The following SLC14A2 variants were observed in gnomAD, a reference collection of about 807,000 sequenced individuals.
SLC14A2 encodes solute carrier family 14 member 2.
A neutral mutation model predicts 104.6 loss-of-function variants in SLC14A2; 91 were observed. The ratio of observed to expected loss-of-function variants is 0.87; its 90% CI spans 0.73 to 1.04. The LOEUF is 1.04. SLC14A2 is among the 50% of genes least tolerant of loss of function. SLC14A2 has a pLI of 0.00. For missense variants in SLC14A2, 1,189 were observed against 1,156.0 expected, an observed-to-expected ratio of 1.03 and a Z score of -0.41; for synonymous variants, 476 against 466.4, an observed-to-expected ratio of 1.02 and a Z score of -0.27.
chr18:45,494,212 G>A (rs1341466249), intron 2 of SLC14A2, among the ~76,000 whole-genome samples: 1 of 152,226 alleles, frequency 6.6e-6, no homozygotes, highest in Non-Finnish European at 1.5e-5. Context: ...TATCTGGACA[G>A]TTGAATTCTA....
At chr18:45,381,322 T>G (rs1469566487) in intron 1 of SLC14A2, among the ~76,000 whole-genome samples, 2 of 152,222 alleles carry the variant, frequency 1.3e-5, no homozygotes, top group African/African-American at 4.8e-5. Flanking sequence ...AATTAAAACA[T>G]CATGGGATAT....
chr18:45,220,658 T>C (rs2143991282), intron 1 of SLC14A2, among the ~76,000 whole-genome samples: 1 of 152,322 alleles, frequency 6.6e-6, no homozygotes, highest in African/African-American at 2.4e-5. Flanking sequence ...CATCCTGCAC[T>C]CGTGCCCTTT....
At chr18:45,590,122 G>T (rs1201636125) in intron 2 of SLC14A2, among the ~76,000 whole-genome samples, 1 of 152,202 alleles carries the variant, frequency 6.6e-6, no homozygotes, top group African/African-American at 2.4e-5. Context: ...GCCCCACCTT[G>T]TCTTCTAGCT....
intron 2 of SLC14A2, among the ~76,000 whole-genome samples, chr18:45,545,701 T>A (rs563258226): frequency 2.0e-4 from 31 of 152,174 alleles, no homozygotes; most frequent in African/African-American, 6.7e-4. Context: ...GAAAGCTGGG[T>A]TTTCATTGGT....
chr18:45,278,355 G>A (rs2144135662), intron 1 of SLC14A2, among the ~76,000 whole-genome samples: 1 of 152,296 alleles, frequency 6.6e-6, no homozygotes, highest in East Asian at 1.9e-4. Context: ...ATGATGTTCA[G>A]CAGAATGCTT....
intron 2 of SLC14A2, among the ~76,000 whole-genome samples, chr18:45,575,684 T>C (rs1015253268): frequency 6.6e-6 from 1 of 152,222 alleles, no homozygotes; most frequent in Non-Finnish European, 1.5e-5. Flanking sequence ...TTGAGAGAAC[T>C]GGGCTAATCA....
intron 1 of SLC14A2, among the ~76,000 whole-genome samples, chr18:45,449,615 C>T (rs1456088680): frequency 6.6e-6 from 1 of 152,156 alleles, no homozygotes; most frequent in Non-Finnish European, 1.5e-5. Context: ...TCCTAACTGC[C>T]TGCTTGCTTC....
intron 2 of SLC14A2, among the ~76,000 whole-genome samples, chr18:45,566,689 T>C (rs557681836): frequency 1.3e-5 from 2 of 152,332 alleles, no homozygotes; most frequent in African/African-American, 4.8e-5. Context: ...GGACTTTCAA[T>C]ACTTACAGCT....
chr18:45,665,225 G>T (rs916301722), intron 11 of SLC14A2, among the ~76,000 whole-genome samples: 4 of 152,108 alleles, frequency 2.6e-5, no homozygotes, highest in Admixed American at 2.0e-4. Flanking sequence ...GTGCAGAACG[G>T]GGGAACAGGC....
chr18:45,370,411 C>T (rs1342806140), intron 1 of SLC14A2, among the ~76,000 whole-genome samples: 1 of 152,148 alleles, frequency 6.6e-6, no homozygotes, highest in African/African-American at 2.4e-5. Context: ...AGCTCAGAGG[C>T]CTGTTTTTCC....
chr18:45,492,311 T>C (rs575675166), intron 2 of SLC14A2, among the ~76,000 whole-genome samples: 15 of 152,230 alleles, frequency 9.9e-5, no homozygotes, highest in Non-Finnish European at 1.8e-4. Context: ...AAAGACATAC[T>C]TGAGACTGCG....
intron 2 of SLC14A2, among the ~76,000 whole-genome samples, chr18:45,520,023 T>C (rs1391414381): frequency 6.6e-6 from 1 of 152,190 alleles, no homozygotes; most frequent in Non-Finnish European, 1.5e-5. Context: ...ATCACAGCTG[T>C]GGTGTGCTTA....
chr18:45,617,814 C>T (rs78145015), intron 1 of SLC14A2, among the ~76,000 whole-genome samples: 4,107 of 152,114 alleles, frequency 0.027, 190 homozygotes, highest in African/African-American at 0.091. Context: ...TCCCAGGGAC[C>T]CAGCCTGACT....
intron 1 of SLC14A2, among the ~76,000 whole-genome samples, chr18:45,352,299 T>A (rs2085511098): frequency 6.6e-6 from 1 of 152,154 alleles, no homozygotes; most frequent in Admixed American, 6.5e-5. Flanking sequence ...TGTACCCCTG[T>A]ACCCCACCCC....
intron 1 of SLC14A2, among the ~76,000 whole-genome samples, chr18:45,427,776 C>G (rs1023232015): frequency 6.6e-6 from 1 of 152,152 alleles, no homozygotes; most frequent in African/African-American, 2.4e-5. Context: ...TGGTGGCTAT[C>G]AGAGCATCCT....
intron 1 of SLC14A2, among the ~76,000 whole-genome samples, chr18:45,357,876 AC>A (rs1171180045): frequency 6.6e-6 from 1 of 152,230 alleles, no homozygotes; most frequent in Non-Finnish European, 1.5e-5. Flanking sequence ...GTTTTTGGTA[AC>A]CACAAATGCA....
intron 2 of SLC14A2, among the ~76,000 whole-genome samples, chr18:45,516,899 G>A (rs752940055): frequency 1.4e-4 from 21 of 152,212 alleles, no homozygotes; most frequent in African/African-American, 3.1e-4. Context: ...GGGCTGCTGT[G>A]AGCAGAGAAA....
At chr18:45,223,031 C>T (rs2084078419) in intron 1 of SLC14A2, among the ~76,000 whole-genome samples, 1 of 152,184 alleles carries the variant, frequency 6.6e-6, no homozygotes, top group African/African-American at 2.4e-5. Context: ...TCCTTATCAC[C>T]ATGGACCATC....
intron 1 of SLC14A2, among the ~76,000 whole-genome samples, chr18:45,248,498 C>A (rs1466485519): frequency 6.6e-6 from 1 of 151,894 alleles, no homozygotes; most frequent in Non-Finnish European, 1.5e-5. Flanking sequence ...CCTCATAAGA[C>A]CCCTGGACCA....
Sources: gnomAD v4.1 joint callset for allele counts (sites outside exome capture counted in the v4.1 genomes callset) on GRCh38, gnomAD v4.1.1 for gene constraint, MANE v1.5 for transcripts, NCBI Gene and HGNC (gene_info 2026-07-23, HGNC 2026-07-21) for gene names.